Variants in CD8B observed in about 807,000 individuals in gnomAD.
The protein encoded by CD8B is CD8 subunit beta, also known as T-cell surface glycoprotein CD8 beta chain.
In CD8B, 6 loss-of-function variants were observed where a neutral mutation model predicts 24.2. The observed-to-expected ratio is 0.25, with a 90% CI of 0.14 to 0.49. The LOEUF (loss-of-function observed/expected upper bound fraction) is 0.49. CD8B is among the 20% of genes least tolerant of loss of function. CD8B has a pLI of 0.98. For missense variants in CD8B, 196 were observed against 271.3 expected (o/e 0.72, Z 1.95); for synonymous variants, 84 against 108.3 (o/e 0.78, Z 1.39).
chr2:86,827,426 C>A (rs992871913), intron 5 of CD8B, among the ~76,000 whole-genome samples: 1 of 151,862 alleles, frequency 6.6e-6, no homozygotes, highest in Admixed American at 6.6e-5. Flanking sequence ...CAGATTGAGA[C>A]CAGCCTGGCC....
At chr2:86,836,148 G>A (rs1336465159), downstream of CD8B, among the ~76,000 whole-genome samples, 7 of 152,194 alleles carry the variant, frequency 4.6e-5, no homozygotes, top group Non-Finnish European at 1.0e-4. Context: ...GAGCCAGCAG[G>A]GGAGGTGCTG....
chr2:86,830,224 C>T (rs531281805), intron 5 of CD8B, among the ~76,000 whole-genome samples: 1 of 152,196 alleles, frequency 6.6e-6, no homozygotes, highest in South Asian at 2.1e-4. Context: ...CCACAGGTCC[C>T]AGCCAGTTTT....
chr2:86,816,514 C>T (rs915957219), intron 5 of CD8B, among the ~76,000 whole-genome samples: 1 of 152,134 alleles, frequency 6.6e-6, no homozygotes, highest in African/African-American at 2.4e-5. Context: ...TTCCACATAT[C>T]ATGATTTATA....
downstream of CD8B, among the ~76,000 whole-genome samples, chr2:86,834,629 G>A (rs1472812524): frequency 1.3e-5 from 2 of 152,066 alleles, no homozygotes; most frequent in African/African-American, 2.4e-5. Flanking sequence ...CAATGACTAG[G>A]AAAAATTTAT....
At chr2:86,844,819 C>A in intron 5 of CD8B, 103 bp downstream of exon 5, 1 of 1,547,510 alleles carries the variant, frequency 6.5e-7, no homozygotes, top group South Asian at 1.2e-5. Flanking sequence ...AGTCTATGAT[C>A]TTTGGAAGAT....
chr2:86,825,774 G>A (rs1480274527), intron 5 of CD8B, among the ~76,000 whole-genome samples: 1 of 152,184 alleles, frequency 6.6e-6, no homozygotes, highest in African/African-American at 2.4e-5. Context: ...CAGGCTCTAA[G>A]GGGGGCATGG....
In CD8B at chr2:86,845,151, T is replaced by C. The variant is rs1336710042; in HGVS notation, c.584-193A>G. On this transcript the variant is annotated intron_variant, in intron 4 of 5. Transcript: ENST00000390655. ...TGAAAACCTGAGTTGGATACTACTT[T>C]TAAGATCTCCATTTTATATGTGGGA... Among the ~76,000 whole-genome samples, 6 of 152,182 alleles carry C rather than the reference T, an allele frequency of 3.9e-5. No homozygotes were observed. In the East Asian group the frequency reaches 1.2e-3, roughly 29 times the overall value.
chr2:86,858,144 C>G lies in CD8B; in HGVS notation c.316G>C (p.Val106Leu), dbSNP rs367817222. Reference sequence around the variant, plus strand: ...TAGATGCCACTGTCTTCCGGCTTCACGCTTGTGAGATTGAGAATGAACCGG... The same window carrying G: ...TAGATGCCACTGTCTTCCGGCTTCAGGCTTGTGAGATTGAGAATGAACCGG... Reference protein sequence around the residue: ...ASRFILNLTSVKPEDSGIYFC... With the variant: ...ASRFILNLTSLKPEDSGIYFC... The change falls in exon 2 of 6, where the codon GTG becomes CTG. Residue 106 changes from valine (V) to leucine (L), a missense_variant. Coordinates refer to ENST00000390655, the MANE Select transcript of CD8B (RefSeq NM_004931.5). The G allele has an allele frequency of 5.0e-6, 8 of 1,613,886 alleles. No individual in the cohort carries two copies. Among genetic ancestry groups the G allele is most frequent in the Non-Finnish European group, 6.8e-6 (8 of 1,179,878 alleles).
At position 86,815,960 on chromosome 2, in the gene CD8B, CAGAA is replaced by C. The variant is rs749284480; in HGVS notation, c.621-246_621-243del. Among the ~76,000 whole-genome samples the C allele has an allele frequency of 5.3e-5, 8 of 152,184 alleles. 1 individual carries two copies. Among genetic ancestry groups the C allele is most frequent in the Non-Finnish European group, 1.5e-5 (1 of 68,032 alleles). ...GTTTCTGTTTCTTGTGATTTCTTCT[CAGAA>C]AGAGGAAACCACACACAGAGAATTA... On this transcript the variant is annotated intron_variant, in intron 5 of 5. Transcript: ENST00000331469.
chr2:86,817,396 TATCTA>T (rs1288324954), intron 5 of CD8B, among the ~76,000 whole-genome samples: 1 of 152,090 alleles, frequency 6.6e-6, no homozygotes, highest in African/African-American at 2.4e-5. Flanking sequence ...TATAAACTAA[TATCTA>T]ATAGGGGAAT....
chr2:86,851,402 C>T (rs1675970051), intron 3 of CD8B, among the ~76,000 whole-genome samples: 1 of 152,146 alleles, frequency 6.6e-6, no homozygotes, highest in African/African-American at 2.4e-5. Context: ...ATCTTAGTGG[C>T]TCTATTGTAT....
chr2:86,839,037 C>A lies in CD8B; in HGVS notation c.*3270G>T, dbSNP rs1675298972. 6.6e-6 allele frequency among the ~76,000 whole-genome samples: 1 copy of A among 152,196 alleles called. No homozygotes were observed. The highest frequency in any genetic ancestry group is 6.5e-5 in the Admixed American group (1 of 15,284). Reference sequence around the variant, plus strand: ...AAACCTCATGCTCCCTCCTAATGACCACCACTGGACCAAGGGTAACTGTAT... The same window carrying A: ...AAACCTCATGCTCCCTCCTAATGACAACCACTGGACCAAGGGTAACTGTAT... On this transcript the variant is annotated 3_prime_UTR_variant, in exon 6 of 6. Coordinates refer to ENST00000390655, the MANE Select transcript of CD8B (RefSeq NM_004931.5).
chr2:86,835,803 C>T (rs1420399915), downstream of CD8B, among the ~76,000 whole-genome samples: 1 of 148,032 alleles, frequency 6.8e-6, no homozygotes, highest in African/African-American at 2.5e-5. Context: ...AATCCATGCC[C>T]TCTGCTTGTG....
At chr2:86,849,703 G>T (rs1365122454) in intron 3 of CD8B, among the ~76,000 whole-genome samples, 15 of 127,438 alleles carry the variant, frequency 1.2e-4, no homozygotes, top group East Asian at 2.3e-4. Context: ...CAACTAAGGT[G>T]TTTTTTTTTT....
At chr2:86,844,743 A>C in intron 5 of CD8B, 179 bp downstream of exon 5, 1 of 1,533,164 alleles carries the variant, frequency 6.5e-7, no homozygotes, top group Non-Finnish European at 8.8e-7. Context: ...CCTGGGCTCA[A>C]GTGATCCTCC....
intron 5 of CD8B, among the ~76,000 whole-genome samples, chr2:86,823,850 C>A (rs747040575): frequency 6.6e-6 from 1 of 151,946 alleles, no homozygotes; most frequent in African/African-American, 2.4e-5. Context: ...TGACAGACAC[C>A]GCCCCAGGGC....
At chr2:86,842,404 G>C in intron 5 of CD8B, 85 bp from the exon 6 acceptor site, 1 of 1,580,752 alleles carries the variant, frequency 6.3e-7, no homozygotes, top group Non-Finnish European at 8.6e-7. Flanking sequence ...TGGCAAATGA[G>C]AATGCAGAGT....
intron 1 of CD8B, among the ~76,000 whole-genome samples, chr2:86,860,792 C>T (rs573291972): frequency 6.6e-6 from 1 of 152,336 alleles, no homozygotes; most frequent in African/African-American, 2.4e-5. Context: ...AGAGCAAGGC[C>T]TGGGCTGTGA....
chr2:86,822,514 T>C (rs2104497926), intron 5 of CD8B: 1 of 561,824 alleles, frequency 1.8e-6, no homozygotes, highest in East Asian at 2.9e-5. Context: ...TTTAGAATTA[T>C]GAAACCTATG....
Sources: gnomAD v4.1 joint callset for allele counts (sites outside exome capture counted in the v4.1 genomes callset) on GRCh38, gnomAD v4.1.1 for gene constraint, MANE v1.5 for transcripts, NCBI Gene and HGNC (gene_info 2026-07-23, HGNC 2026-07-21) for gene names.